Variants in FGD5 observed in about 807,000 individuals in gnomAD.
FGD5 encodes FYVE, RhoGEF and PH domain containing 5, also known as FYVE, RhoGEF and PH domain-containing protein 5.
In FGD5, 28 loss-of-function variants were observed where a neutral mutation model predicts 133.4. That is an observed-to-expected ratio of 0.21 (90% CI 0.16 to 0.29). FGD5 has a LOEUF of 0.29. FGD5 is among the 10% of genes least tolerant of loss of function. The pLI is 1.00. For synonymous variants in FGD5, 810 were observed against 776.5 expected, an observed-to-expected ratio of 1.04 and a Z score of -0.72; for missense variants, 1,858 against 1,895.2, an observed-to-expected ratio of 0.98 and a Z score of 0.36.
At chr3:14,825,467 A>G (rs976077735) in intron 1 of FGD5, among the ~76,000 whole-genome samples, 5 of 151,812 alleles carry the variant, frequency 3.3e-5, no homozygotes, top group Admixed American at 1.3e-4. Context: ...CTCTACATAT[A>G]TATATATATA....
At chr3:14,903,199 A>C (rs201788301) in intron 9 of FGD5, among the ~76,000 whole-genome samples, 1 of 152,140 alleles carries the variant, frequency 6.6e-6, no homozygotes, top group East Asian at 1.9e-4. Flanking sequence ...TCCAGTCTGC[A>C]CCCCAGCCGC....
upstream of FGD5, among the ~76,000 whole-genome samples, chr3:14,814,762 T>C (rs1212574457): frequency 6.6e-6 from 1 of 152,206 alleles, no homozygotes; most frequent in Non-Finnish European, 1.5e-5. Context: ...TGACTGTGAA[T>C]GGAGTTTGAC....
chr3:14,838,344 A>G (rs1247920204), intron 1 of FGD5, among the ~76,000 whole-genome samples: 2 of 152,218 alleles, frequency 1.3e-5, no homozygotes, highest in African/African-American at 4.8e-5. Flanking sequence ...AACCAAGGGT[A>G]ATCTCCACGT....
chr3:14,903,377 A>T (rs2038279447), intron 9 of FGD5, among the ~76,000 whole-genome samples: 1 of 150,386 alleles, frequency 6.6e-6, no homozygotes, highest in Non-Finnish European at 1.5e-5. Context: ...TTATTATTAT[A>T]CTTTTAGGGT....
Position 14,821,469 on chromosome 3 carries a change from T to C in FGD5, c.2398T>C (p.Phe800Leu). The C allele has an allele frequency of 6.2e-7, 1 of 1,614,032 alleles. No homozygotes were observed. ...CCGGAGACCTGCCAGGGCTGGCGCG[T>C]TCACGAAGCTGTTTGAAGATCAGAG... is the stretch of plus-strand genomic sequence containing the variant. ...PPRRPARAGAFTKLFEDQSRA... is the reference protein window; with the variant it reads ...PPRRPARAGALTKLFEDQSRA... Residue 800 changes from phenylalanine to leucine, a missense_variant, in exon 1 of 20, where the codon TTC becomes CTC. Phe to Leu is a conservative substitution (Grantham distance 22). Transcript: ENST00000285046.
chr3:14,835,744 G>C (rs1456212794), intron 1 of FGD5, among the ~76,000 whole-genome samples: 1 of 152,208 alleles, frequency 6.6e-6, no homozygotes, highest in Non-Finnish European at 1.5e-5. Flanking sequence ...GGCCATGGGT[G>C]AGCCGTTTTC....
In FGD5 at chr3:14,821,102, C is replaced by G. The variant is rs770647180; in HGVS notation, c.2031C>G (p.Ser677=). The change falls in exon 1 of 20, where the codon TCC becomes TCG. Residue 677 remains serine (S), a synonymous_variant. Transcript: ENST00000285046. ...TGCATGTGGATGTGAACGTGTCTTCCTCTAGGTCCTCTTCAGAGTCCAGCT... is the reference window on the plus strand; with the variant it reads ...TGCATGTGGATGTGAACGTGTCTTCGTCTAGGTCCTCTTCAGAGTCCAGCT... The part of the protein sequence containing the change: ...NKLHVDVNVS[S]SRSSSESSYH... The G allele has an allele frequency of 6.2e-7, 1 of 1,613,980 alleles. No homozygotes were observed. Among genetic ancestry groups the G allele is most frequent in the East Asian group, 2.2e-5 (1 of 44,874 alleles).
chr3:14,830,105 G>C (rs2036678561), intron 1 of FGD5, among the ~76,000 whole-genome samples: 1 of 152,084 alleles, frequency 6.6e-6, no homozygotes, highest in Admixed American at 6.5e-5. Flanking sequence ...GTATTCACTG[G>C]TATCTTTATA....
intron 1 of FGD5, among the ~76,000 whole-genome samples, chr3:14,845,059 A>G (rs1283658501): frequency 6.6e-6 from 1 of 152,116 alleles, no homozygotes; most frequent in Non-Finnish European, 1.5e-5. Context: ...GAGAGTTAGC[A>G]GAAATTCTGC....
chr3:14,924,046 C>T lies in FGD5; in HGVS notation c.3976C>T (p.Arg1326Cys), dbSNP rs768432640. 1.2e-5 allele frequency: 19 copies of T among 1,613,882 alleles called. No individual in the cohort carries two copies. The highest frequency in any genetic ancestry group is 4.5e-5 in the East Asian group (2 of 44,882). The change falls in exon 17 of 20, where the codon CGC becomes TGC. Residue 1326 changes from arginine to cysteine, a missense_variant. Coordinates refer to ENST00000285046, the MANE Select transcript of FGD5 (RefSeq NM_152536.4). ...VSMSFPLSSPRFSGSAFSSVF... is the reference protein window; with the variant it reads ...VSMSFPLSSPCFSGSAFSSVF... ...CATGAGCTTCCCGCTGTCTTCACCCCGCTTCTCGGGCAGTGCCTTTTCATC... is the reference window on the plus strand; with the variant it reads ...CATGAGCTTCCCGCTGTCTTCACCCTGCTTCTCGGGCAGTGCCTTTTCATC...
intron 4 of FGD5, among the ~76,000 whole-genome samples, chr3:14,884,623 C>T (rs905722238): frequency 3.3e-5 from 5 of 152,178 alleles, no homozygotes; most frequent in Admixed American, 6.5e-5. Context: ...TGCTGTTATG[C>T]TCACAGACTC....
intron 4 of FGD5, among the ~76,000 whole-genome samples, chr3:14,891,240 C>T (rs1176856641): frequency 2.0e-5 from 3 of 152,096 alleles, no homozygotes; most frequent in Admixed American, 2.0e-4. Flanking sequence ...AACCTCCACC[C>T]CAGGCTCAGA....
intron 2 of FGD5, among the ~76,000 whole-genome samples, chr3:14,866,035 C>A (rs978866451): frequency 6.6e-6 from 1 of 152,128 alleles, no homozygotes; most frequent in Non-Finnish European, 1.5e-5. Flanking sequence ...GCCGCGAGAA[C>A]GTCGGAGGGC....
At chr3:14,860,608 A>T (rs1413151058) in intron 1 of FGD5, among the ~76,000 whole-genome samples, 1 of 152,218 alleles carries the variant, frequency 6.6e-6, no homozygotes, top group Non-Finnish European at 1.5e-5. Flanking sequence ...AGGTCTGTGC[A>T]CCTCCAATAT....
rs185572316 is a variant in FGD5 at position 14,840,752 on chromosome 3, A to G, written c.2525+19156A>G. The stretch of plus-strand genomic sequence containing the variant: ...GGTAAAAACAAAAACCAACCAACCA[A>G]CCCCACCACAGTGACATAATCATGA... On this transcript the variant is annotated intron_variant, in intron 1 of 19. Transcript: ENST00000285046. 1.9e-3 allele frequency among the ~76,000 whole-genome samples: 286 copies of G among 151,714 alleles called. 1 individual carries two copies. The highest frequency in any genetic ancestry group is 6.7e-3 in the African/African-American group (277 of 41,294).
At chr3:14,911,463 C>A (rs2038447364) in intron 11 of FGD5, among the ~76,000 whole-genome samples, 1 of 152,088 alleles carries the variant, frequency 6.6e-6, no homozygotes, top group Admixed American at 6.5e-5. Flanking sequence ...AGTGGCCATG[C>A]CTTTTAAGCC....
chr3:14,874,585 C>A (rs2037679923), intron 2 of FGD5, among the ~76,000 whole-genome samples: 1 of 152,086 alleles, frequency 6.6e-6, no homozygotes. Flanking sequence ...AGCTACTGTT[C>A]AACAAAGTTT....
At chr3:14,875,714 A>G (rs549694631) in intron 2 of FGD5, among the ~76,000 whole-genome samples, 7 of 152,154 alleles carry the variant, frequency 4.6e-5, no homozygotes, top group Admixed American at 1.3e-4. Flanking sequence ...CTTGGGTCCA[A>G]GATGAGGGAT....
At chr3:14,911,434 C>G (rs2038446754) in intron 11 of FGD5, among the ~76,000 whole-genome samples, 1 of 152,138 alleles carries the variant, frequency 6.6e-6, no homozygotes, top group Admixed American at 6.5e-5. Context: ...TGTTGAGTGC[C>G]CCAATCCTGA....
Sources: gnomAD v4.1 joint callset for allele counts (sites outside exome capture counted in the v4.1 genomes callset) on GRCh38, gnomAD v4.1.1 for gene constraint, MANE v1.5 for transcripts, NCBI Gene and HGNC (gene_info 2026-07-23, HGNC 2026-07-21) for gene names.